The following KIAA1549L variants were observed in gnomAD, a reference collection of about 807,000 sequenced individuals.
KIAA1549L encodes KIAA1549 like, also known as UPF0606 protein KIAA1549L.
In KIAA1549L, 88 loss-of-function variants were observed where a neutral mutation model predicts 160.7. That is an observed-to-expected ratio of 0.55 (90% CI 0.46 to 0.65). The LOEUF (loss-of-function observed/expected upper bound fraction) is 0.65, where lower values mean the gene tolerates loss of function less well. Ranked by LOEUF, KIAA1549L falls within the 30% of genes least tolerant of loss-of-function variation. The pLI, the probability that KIAA1549L is intolerant of heterozygous loss-of-function variation, is 0.00. For synonymous variants in KIAA1549L, 950 were observed against 976.7 expected, an observed-to-expected ratio of 0.97 and a Z score of 0.51; for missense variants, 2,258 against 2,437.5, an observed-to-expected ratio of 0.93 and a Z score of 1.55.
intron 13 of KIAA1549L, 118 bp downstream of exon 13, chr11:33,599,065 T>G (rs1215553844): frequency 1.0e-5 from 12 of 1,185,094 alleles, no homozygotes; most frequent in Non-Finnish European, 1.4e-5. Flanking sequence ...CCCTCAGTCG[T>G]TCTTTCTATT....
intron 17 of KIAA1549L, among the ~76,000 whole-genome samples, chr11:33,655,573 A>C (rs1356001024): frequency 6.6e-6 from 1 of 152,210 alleles, no homozygotes; most frequent in African/African-American, 2.4e-5. Flanking sequence ...CCTTGCCCTT[A>C]TTACACTCTA....
In KIAA1549L at chr11:33,670,601, G is replaced by A. The variant is rs989265263; in HGVS notation, c.*2447G>A. On this transcript the variant is annotated 3_prime_UTR_variant, in exon 21 of 21. Transcript: ENST00000658780. ...ATGTTATCCCACTCATGGGGAGACA[G>A]AGCCACTCTGGTCAGATTTTCTGTG... The A allele has an allele frequency of 6.6e-6, 1 of 152,252 alleles. No individual in the cohort carries two copies. The highest frequency in any genetic ancestry group is 2.4e-5 in the African/African-American group (1 of 41,460). The allele number at this position is 152,252 out of a possible 1,614,324, so 9.4% of individuals were successfully genotyped here.
chr11:33,530,464 T>C (rs1175246947), intron 1 of KIAA1549L, among the ~76,000 whole-genome samples: 2 of 51,574 alleles, frequency 3.9e-5, no homozygotes, highest in Non-Finnish European at 9.2e-5. Context: ...TATATATATA[T>C]ATATATATAT....
chr11:33,499,623 G>A (rs1852898910), intron 1 of KIAA1549L, among the ~76,000 whole-genome samples: 1 of 152,168 alleles, frequency 6.6e-6, no homozygotes, highest in South Asian at 2.1e-4. Context: ...TGGGTTTTGT[G>A]TAGTTGGTTT....
Position 33,547,882 on chromosome 11 carries a change from A to G in KIAA1549L, c.3501+3A>G, listed in dbSNP as rs747477756. 10 of 1,597,516 alleles carry G rather than the reference A, an allele frequency of 6.3e-6. No homozygotes were observed. The Admixed American group carries it at 1.2e-4, about 19-fold the overall frequency. On this transcript the variant is annotated splice_donor_region_variant and intron_variant, in intron 4 of 20. Coordinates refer to ENST00000658780, the MANE Select transcript of KIAA1549L (RefSeq NM_012194.3). ...ACCAGAACGATGTCTCAGCTCACGT[A>G]AGTGCTTTGCTTTGTAACCAAGCTA...
intron 1 of KIAA1549L, among the ~76,000 whole-genome samples, chr11:33,382,994 A>C (rs1850102412): frequency 6.6e-6 from 1 of 152,182 alleles, no homozygotes; most frequent in African/African-American, 2.4e-5. Context: ...GTACAGTGTT[A>C]CTTGTACTTG....
intron 12 of KIAA1549L, among the ~76,000 whole-genome samples, chr11:33,594,622 G>A (rs1850151000): frequency 6.6e-6 from 1 of 152,220 alleles, no homozygotes; most frequent in Admixed American, 6.5e-5. Context: ...ATCTTTGCTT[G>A]TGTCATGGTT....
At position 33,584,984 on chromosome 11, in the gene KIAA1549L, T is replaced by C. The variant is rs540060177; in HGVS notation, c.4566+1483T>C. ...GGGGGTCACGCATGCCTTAGTTCTT[T>C]CTTGATGATCACACCTCACTTCAGC... On this transcript the variant is annotated intron_variant, in intron 11 of 20. Coordinates refer to ENST00000658780, the MANE Select transcript of KIAA1549L (RefSeq NM_012194.3). Among the ~76,000 whole-genome samples, 22 of 152,338 alleles carry C rather than the reference T, an allele frequency of 1.4e-4. No individual in the cohort carries two copies. In the South Asian group the frequency reaches 4.3e-3, roughly 30 times the overall value.
At chr11:33,388,085 G>T (rs1191064100) in intron 1 of KIAA1549L, among the ~76,000 whole-genome samples, 5 of 152,060 alleles carry the variant, frequency 3.3e-5, no homozygotes, top group African/African-American at 1.2e-4. Context: ...AATGCAAAAG[G>T]CCCTCTTTGC....
At chr11:33,559,380 G>GA (rs1368672667) in intron 6 of KIAA1549L, among the ~76,000 whole-genome samples, 2 of 152,198 alleles carry the variant, frequency 1.3e-5, no homozygotes, top group Non-Finnish European at 2.9e-5. Flanking sequence ...CAGTGATTAA[G>GA]AACCTGGAGT....
At chr11:33,386,005 A>G (rs192838427) in intron 1 of KIAA1549L, among the ~76,000 whole-genome samples, 17 of 152,330 alleles carry the variant, frequency 1.1e-4, no homozygotes, top group African/African-American at 3.4e-4. Context: ...ATTTTTCTAA[A>G]TAGGAAATAA....
intron 1 of KIAA1549L, among the ~76,000 whole-genome samples, chr11:33,515,370 C>T (rs1853320959): frequency 6.6e-6 from 1 of 152,214 alleles, no homozygotes; most frequent in Non-Finnish European, 1.5e-5. Context: ...TAGTCAAGCA[C>T]CTAGTGTCTT....
chr11:33,644,110 T>A (rs956509750), intron 16 of KIAA1549L, among the ~76,000 whole-genome samples: 2 of 152,230 alleles, frequency 1.3e-5, no homozygotes, highest in Non-Finnish European at 2.9e-5. Flanking sequence ...CTTATTAGTA[T>A]AAAAATATTA....
intron 17 of KIAA1549L, among the ~76,000 whole-genome samples, chr11:33,651,303 G>T (rs1851877178): frequency 6.6e-6 from 1 of 152,222 alleles, no homozygotes; most frequent in South Asian, 2.1e-4. Flanking sequence ...CAGGCATGGT[G>T]GTGGATGCCT....
At chr11:33,566,628 G>A (rs1410533049) in intron 8 of KIAA1549L, among the ~76,000 whole-genome samples, 1 of 152,330 alleles carries the variant, frequency 6.6e-6, no homozygotes, top group East Asian at 1.9e-4. Flanking sequence ...CAGAGACCTA[G>A]CTGTGACTTT....
At chr11:33,410,055 ATT>A in intron 1 of KIAA1549L, among the ~76,000 whole-genome samples, 1 of 150,776 alleles carries the variant, frequency 6.6e-6, no homozygotes, top group South Asian at 2.1e-4. Context: ...TGTCTGCTGT[ATT>A]TTTTTTTCTT....
chr11:33,624,210 T>C (rs1000993761), intron 16 of KIAA1549L, among the ~76,000 whole-genome samples: 1 of 152,242 alleles, frequency 6.6e-6, no homozygotes, highest in Non-Finnish European at 1.5e-5. Flanking sequence ...TACTCTAGAA[T>C]GGACCAGTCA....
chr11:33,635,999 T>C (rs1851426600), intron 16 of KIAA1549L, among the ~76,000 whole-genome samples: 1 of 152,190 alleles, frequency 6.6e-6, no homozygotes, highest in South Asian at 2.1e-4. Context: ...TTCTGAGTAG[T>C]GTAATGAAGT....
At chr11:33,404,999 C>T in intron 1 of KIAA1549L, among the ~76,000 whole-genome samples, 1 of 117,470 alleles carries the variant, frequency 8.5e-6, no homozygotes, top group Non-Finnish European at 1.7e-5. Context: ...CAGAGTGAGA[C>T]TCTGTCTCAA....
Sources: gnomAD v4.1 joint callset for allele counts (sites outside exome capture counted in the v4.1 genomes callset) on GRCh38, gnomAD v4.1.1 for gene constraint, MANE v1.5 for transcripts, NCBI Gene and HGNC (gene_info 2026-07-23, HGNC 2026-07-21) for gene names.